Variants in GPC6 observed in about 807,000 individuals in gnomAD.
GPC6 encodes glypican 6.
In GPC6, 14 loss-of-function variants were observed where a neutral mutation model predicts 55.2. The ratio of observed to expected loss-of-function variants is 0.25; its 90% CI spans 0.17 to 0.40. The LOEUF is 0.40. Among genes scored for constraint, GPC6 ranks in the 10% least tolerant of loss-of-function variants. The pLI, the probability that GPC6 is intolerant of heterozygous loss-of-function variation, is 1.00. For synonymous variants in GPC6, 278 were observed against 259.6 expected (o/e 1.07, Z -0.68); for missense variants, 641 against 708.5 (o/e 0.90, Z 1.08).
chr13:93,658,472 T>C (rs1365390682), intron 2 of GPC6, among the ~76,000 whole-genome samples: 1 of 151,934 alleles, frequency 6.6e-6, no homozygotes, highest in Non-Finnish European at 1.5e-5. Flanking sequence ...TCCAAAAGTC[T>C]TACCATCTTA....
chr13:93,793,659 T>C (rs1354705789), intron 2 of GPC6, among the ~76,000 whole-genome samples: 2 of 152,216 alleles, frequency 1.3e-5, no homozygotes, highest in Non-Finnish European at 2.9e-5. Context: ...AAACTTTTTG[T>C]AATTCCTAAT....
At chr13:93,919,000 T>C (rs1157384349) in intron 3 of GPC6, among the ~76,000 whole-genome samples, 1 of 152,188 alleles carries the variant, frequency 6.6e-6, no homozygotes, top group African/African-American at 2.4e-5. Flanking sequence ...TGGGTGGTGA[T>C]TGGATCATGG....
chr13:94,271,366 A>ACGCGCGCGCGCGCGCGCACACACACACG (rs1892009959), intron 4 of GPC6, among the ~76,000 whole-genome samples: 1 of 131,224 alleles, frequency 7.6e-6, no homozygotes, highest in Non-Finnish European at 1.7e-5. Flanking sequence ...ACACACACAC[A>ACGCGCGCGCGCGCGCGCACACACACACG]CGCGCGCGCG....
chr13:94,023,151 A>T (rs1252892175), intron 3 of GPC6, among the ~76,000 whole-genome samples: 3 of 151,874 alleles, frequency 2.0e-5, no homozygotes, highest in African/African-American at 7.2e-5. Flanking sequence ...TTTTTCAGTA[A>T]TTTTTTTTCT....
At chr13:94,206,996 A>G (rs1249856655) in intron 4 of GPC6, among the ~76,000 whole-genome samples, 2 of 152,130 alleles carry the variant, frequency 1.3e-5, no homozygotes, top group African/African-American at 4.8e-5. Context: ...ACCCTAAATC[A>G]TCTCATGACC....
chr13:93,870,023 T>A (rs1274865493), intron 3 of GPC6, among the ~76,000 whole-genome samples: 1 of 151,864 alleles, frequency 6.6e-6, no homozygotes, highest in Non-Finnish European at 1.5e-5. Context: ...AAGTCACTTA[T>A]ATGATGTTTC....
chr13:94,153,658 A>G (rs1887824247), intron 4 of GPC6, among the ~76,000 whole-genome samples: 1 of 152,304 alleles, frequency 6.6e-6, no homozygotes, highest in South Asian at 2.1e-4. Context: ...GAGAGTCACA[A>G]AAAGGTATAG....
intron 2 of GPC6, among the ~76,000 whole-genome samples, chr13:93,728,014 A>G (rs1883702374): frequency 6.6e-6 from 1 of 151,934 alleles, no homozygotes; most frequent in Admixed American, 6.6e-5. Flanking sequence ...CACTCCCATC[A>G]ACACCTTGCT....
chr13:93,776,951 C>T (rs1290130428), intron 2 of GPC6, among the ~76,000 whole-genome samples: 3 of 152,154 alleles, frequency 2.0e-5, no homozygotes, highest in African/African-American at 4.8e-5. Flanking sequence ...TATGATTAAG[C>T]ACCCTTGCCC....
At chr13:93,527,946 G>A (rs780706834) in intron 1 of GPC6, among the ~76,000 whole-genome samples, 5 of 152,032 alleles carry the variant, frequency 3.3e-5, no homozygotes, top group Admixed American at 6.6e-5. Flanking sequence ...GCCTTTCATC[G>A]TTTTACTCTA....
intron 4 of GPC6, among the ~76,000 whole-genome samples, chr13:94,274,435 C>T (rs1892140201): frequency 6.6e-6 from 1 of 152,112 alleles, no homozygotes; most frequent in African/African-American, 2.4e-5. Context: ...GATATCTGTA[C>T]ACTGTTTTAA....
At chr13:93,417,517 A>C (rs991175445) in intron 1 of GPC6, among the ~76,000 whole-genome samples, 3 of 152,058 alleles carry the variant, frequency 2.0e-5, no homozygotes, top group African/African-American at 7.2e-5. Flanking sequence ...TCTGTGAGTT[A>C]CTGTTCCAGT....
intron 4 of GPC6, among the ~76,000 whole-genome samples, chr13:94,075,698 G>A (rs1884888359): frequency 6.6e-6 from 1 of 151,992 alleles, no homozygotes; most frequent in South Asian, 2.1e-4. Context: ...TCCTATAAGT[G>A]GAATGATGCA....
chr13:94,374,354 A>G (rs1879735193), intron 6 of GPC6, among the ~76,000 whole-genome samples: 1 of 151,408 alleles, frequency 6.6e-6, no homozygotes, highest in East Asian at 1.9e-4. Flanking sequence ...GGCTCAAAAT[A>G]AAAGGATGGA....
chr13:94,167,395 C>T (rs375628681), intron 4 of GPC6, among the ~76,000 whole-genome samples: 16 of 152,044 alleles, frequency 1.1e-4, no homozygotes, highest in East Asian at 3.9e-4. Flanking sequence ...TAAAGATGGA[C>T]GAGAAGATTC....
chr13:93,675,609 T>G (rs1454451077), intron 2 of GPC6, among the ~76,000 whole-genome samples: 1 of 152,182 alleles, frequency 6.6e-6, no homozygotes, highest in East Asian at 1.9e-4. Flanking sequence ...ACATTTTAGT[T>G]CATTTGTTGA....
intron 5 of GPC6, among the ~76,000 whole-genome samples, chr13:94,302,333 A>G (rs1016441547): frequency 9.2e-5 from 14 of 152,140 alleles, no homozygotes; most frequent in African/African-American, 3.1e-4. Context: ...CACATGAGAC[A>G]AGGGTGCTGT....
chr13:93,447,694 C>G (rs1303068203), intron 1 of GPC6, among the ~76,000 whole-genome samples: 1 of 152,184 alleles, frequency 6.6e-6, no homozygotes, highest in African/African-American at 2.4e-5. Flanking sequence ...TCAGTCCTTT[C>G]AATTTCAATT....
chr13:93,403,312 A>G (rs900937171), intron 1 of GPC6, among the ~76,000 whole-genome samples: 6 of 152,120 alleles, frequency 3.9e-5, no homozygotes, highest in African/African-American at 9.7e-5. Flanking sequence ...GGGTGATTCA[A>G]TTTCAGGTCT....
Sources: allele counts gnomAD v4.1 joint callset (sites outside exome capture counted in the v4.1 genomes callset), GRCh38; gene constraint gnomAD v4.1.1; transcripts MANE v1.5; gene names NCBI Gene and HGNC (gene_info 2026-07-23, HGNC 2026-07-21).